Variants in GALNTL6 observed in about 807,000 individuals in gnomAD.
GALNTL6 encodes polypeptide N-acetylgalactosaminyltransferase like 6, also known as polypeptide N-acetylgalactosaminyltransferase-like 6.
Under a neutral mutation model 73.7 loss-of-function variants are expected in GALNTL6, and 46 were observed. That is an observed-to-expected ratio of 0.62 (90% confidence interval 0.49 to 0.80). The LOEUF (loss-of-function observed/expected upper bound fraction) is 0.80, where lower values mean the gene tolerates loss of function less well. Among genes scored for constraint, GALNTL6 ranks in the 30% least tolerant of loss-of-function variants. GALNTL6 has a pLI of 0.00. For synonymous variants in GALNTL6, 259 were observed against 263.7 expected (o/e 0.98, Z 0.17); for missense variants, 604 against 755.0 (o/e 0.80, Z 2.34).
intron 2 of GALNTL6, among the ~76,000 whole-genome samples, chr4:171,909,900 GACAA>G (rs1433486951): frequency 2.0e-5 from 3 of 152,180 alleles, no homozygotes; most frequent in South Asian, 2.1e-4. Context: ...AAGCATCAAA[GACAA>G]ACAACGTGAC....
chr4:172,131,908 C>T (rs1579168846), intron 2 of GALNTL6, among the ~76,000 whole-genome samples: 1 of 151,934 alleles, frequency 6.6e-6, no homozygotes, highest in Non-Finnish European at 1.5e-5. Context: ...AAGTACTGTT[C>T]TTCTCATGGC....
chr4:172,305,727 T>C (rs774226040), intron 3 of GALNTL6, among the ~76,000 whole-genome samples: 6 of 152,198 alleles, frequency 3.9e-5, no homozygotes, highest in Non-Finnish European at 8.8e-5. Context: ...CAGTAAAAAC[T>C]GCTGGCTTTG....
intron 3 of GALNTL6, among the ~76,000 whole-genome samples, chr4:172,246,215 T>TTACA (rs1186695500): frequency 6.6e-6 from 1 of 152,124 alleles, no homozygotes; most frequent in Non-Finnish European, 1.5e-5. Flanking sequence ...CGATAATGAT[T>TTACA]TACATTTCCA....
chr4:172,633,046 G>A (rs1293037904), intron 5 of GALNTL6, among the ~76,000 whole-genome samples: 1 of 152,240 alleles, frequency 6.6e-6, no homozygotes, highest in Admixed American at 6.5e-5. Flanking sequence ...TGGATGTCCA[G>A]GCAGATGTTT....
intron 2 of GALNTL6, among the ~76,000 whole-genome samples, chr4:171,981,144 TA>T (rs1177105727): frequency 6.6e-6 from 1 of 152,232 alleles, no homozygotes; most frequent in Non-Finnish European, 1.5e-5. Context: ...AACTTGCTTT[TA>T]TGTTTTAGGA....
At chr4:172,922,127 G>T (rs1747824805) in intron 8 of GALNTL6, among the ~76,000 whole-genome samples, 1 of 152,062 alleles carries the variant, frequency 6.6e-6, no homozygotes. Flanking sequence ...TTCCACTTTT[G>T]CTTCTTCCTC....
chr4:172,034,725 C>CA (rs1322652926), intron 2 of GALNTL6, among the ~76,000 whole-genome samples: 3 of 151,590 alleles, frequency 2.0e-5, no homozygotes, highest in Non-Finnish European at 2.9e-5. Flanking sequence ...GATAATTATG[C>CA]AAAAAAGAGG....
chr4:172,311,987 G>T (rs1740379895), intron 4 of GALNTL6, among the ~76,000 whole-genome samples: 2 of 151,990 alleles, frequency 1.3e-5, no homozygotes, highest in South Asian at 4.1e-4. Context: ...TGTTGACTGT[G>T]TTAACTCATT....
At chr4:172,085,054 A>G (rs1731989613) in intron 2 of GALNTL6, among the ~76,000 whole-genome samples, 1 of 152,200 alleles carries the variant, frequency 6.6e-6, no homozygotes, top group South Asian at 2.1e-4. Context: ...AGAAAATTAT[A>G]ATAGAATATA....
chr4:172,089,937 C>T (rs574049007), intron 2 of GALNTL6, among the ~76,000 whole-genome samples: 57 of 152,162 alleles, frequency 3.7e-4, no homozygotes, highest in Middle Eastern at 3.4e-3. Flanking sequence ...CACTTATGAA[C>T]GAGAACATGA....
At chr4:171,875,159 GATA>G (rs1166313460) in intron 2 of GALNTL6, among the ~76,000 whole-genome samples, 1 of 152,158 alleles carries the variant, frequency 6.6e-6, no homozygotes, top group Non-Finnish European at 1.5e-5. Context: ...TTTTGATGAT[GATA>G]ATGTTACCAG....
chr4:172,626,621 T>C (rs1189231510), intron 5 of GALNTL6, among the ~76,000 whole-genome samples: 1 of 152,092 alleles, frequency 6.6e-6, no homozygotes, highest in African/African-American at 2.4e-5. Context: ...ATTTTAACAA[T>C]ACTGATGAGT....
At position 172,660,251 on chromosome 4, in the gene GALNTL6, C is replaced by T. The variant is rs191738620; in HGVS notation, c.554-149110C>T. 1.5e-3 allele frequency among the ~76,000 whole-genome samples: 230 copies of T among 152,340 alleles called. 1 individual carries two copies. Among genetic ancestry groups the T allele is most frequent in the Middle Eastern group, 3.4e-3 (1 of 294 alleles). On this transcript the variant is annotated intron_variant, in intron 5 of 12. Coordinates refer to ENST00000506823, the MANE Select transcript of GALNTL6 (RefSeq NM_001034845.3). ...TTCTACAGCACTGGCACAACTCTCT[C>T]ACCCTTGGCATCATAGGAAGACCCA...
At chr4:171,872,901 A>G (rs1183532134) in intron 2 of GALNTL6, among the ~76,000 whole-genome samples, 2 of 152,110 alleles carry the variant, frequency 1.3e-5, no homozygotes, top group Non-Finnish European at 2.9e-5. Flanking sequence ...AACGCTCTCT[A>G]CATCTGGCAA....
chr4:172,465,972 A>C (rs887668826), intron 5 of GALNTL6, among the ~76,000 whole-genome samples: 5 of 152,234 alleles, frequency 3.3e-5, no homozygotes, highest in African/African-American at 9.6e-5. Flanking sequence ...TTTTTTAAAA[A>C]ACTGTCCCAA....
intron 5 of GALNTL6, among the ~76,000 whole-genome samples, chr4:172,516,838 T>C (rs1734624847): frequency 6.6e-6 from 1 of 152,132 alleles, no homozygotes; most frequent in African/African-American, 2.4e-5. Context: ...ATAAATGTAA[T>C]ATCATTCAGC....
chr4:172,902,386 G>A (rs1055196168), intron 8 of GALNTL6, among the ~76,000 whole-genome samples: 2 of 152,258 alleles, frequency 1.3e-5, no homozygotes. Flanking sequence ...AAGAGACTGA[G>A]AAGGAAGCCC....
intron 7 of GALNTL6, among the ~76,000 whole-genome samples, chr4:172,853,406 C>T (rs1442891363): frequency 6.6e-6 from 1 of 152,172 alleles, no homozygotes; most frequent in Non-Finnish European, 1.5e-5. Context: ...CGTGTACCTC[C>T]TATCAACATC....
intron 2 of GALNTL6, among the ~76,000 whole-genome samples, chr4:172,151,295 C>T (rs1405790918): frequency 1.3e-5 from 2 of 152,036 alleles, no homozygotes; most frequent in Admixed American, 1.3e-4. Context: ...CAAAATAAAA[C>T]CACGAGATAA....
Sources: allele counts gnomAD v4.1 joint callset (sites outside exome capture counted in the v4.1 genomes callset), GRCh38; gene constraint gnomAD v4.1.1; transcripts MANE v1.5; gene names NCBI Gene and HGNC (gene_info 2026-07-23, HGNC 2026-07-21).